LRFN5: variants seen among roughly 807,000 people sequenced by gnomAD.
LRFN5 encodes the protein leucine rich repeat and fibronectin type III domain containing 5, also known as leucine-rich repeat and fibronectin type-III domain-containing protein 5.
LRFN5 carries 24 observed loss-of-function variants against 45.6 expected under a neutral mutation model. That is an observed-to-expected ratio of 0.53 (90% CI 0.38 to 0.74). The LOEUF is 0.74. Ranked by LOEUF, LRFN5 falls within the 30% of genes least tolerant of loss-of-function variation. LRFN5 has a pLI of 0.00. For missense variants in LRFN5, 776 were observed against 861.5 expected, an observed-to-expected ratio of 0.90 and a Z score of 1.24; for synonymous variants, 340 against 313.8, an observed-to-expected ratio of 1.08 and a Z score of -0.88.
chr14:41,713,652 A>T (rs1883373750), intron 1 of LRFN5, among the ~76,000 whole-genome samples: 1 of 152,160 alleles, frequency 6.6e-6, no homozygotes, highest in Non-Finnish European at 1.5e-5. Context: ...TAATCAGAAA[A>T]TTAAAAATTA....
chr14:41,649,330 T>G (rs1879975823), intron 1 of LRFN5, among the ~76,000 whole-genome samples: 1 of 146,060 alleles, frequency 6.8e-6, no homozygotes, highest in South Asian at 2.1e-4. Flanking sequence ...AAATGATAAA[T>G]TGTTTAATAA....
intron 2 of LRFN5, among the ~76,000 whole-genome samples, chr14:41,810,972 A>G (rs114767040): frequency 8.2e-4 from 125 of 152,202 alleles, no homozygotes; most frequent in African/African-American, 3.0e-3. Flanking sequence ...ATAAAGGACA[A>G]TAAAGCCATC....
At chr14:41,871,361 G>A (rs1269159850) in intron 2 of LRFN5, among the ~76,000 whole-genome samples, 8 of 152,148 alleles carry the variant, frequency 5.3e-5, no homozygotes, top group Non-Finnish European at 1.0e-4. Flanking sequence ...GCCAAGGCAG[G>A]TAGATTACCT....
chr14:41,820,020 C>T (rs1188683090), intron 2 of LRFN5, among the ~76,000 whole-genome samples: 3 of 150,550 alleles, frequency 2.0e-5, no homozygotes, highest in African/African-American at 7.3e-5. Flanking sequence ...GGAAATTAGT[C>T]CTTTGTTGAA....
At position 41,795,413 on chromosome 14, in the gene LRFN5, G is replaced by C. The variant is rs575580481; in HGVS notation, c.-21+28384G>C. Among the ~76,000 whole-genome samples, 411 of 152,050 alleles carry C rather than the reference G, an allele frequency of 2.7e-3. 3 individuals carry two copies. The highest frequency in any genetic ancestry group is 3.7e-3 in the Non-Finnish European group (249 of 67,964). On this transcript the variant is annotated intron_variant, in intron 2 of 5. Transcript: ENST00000298119. Reference sequence around the variant, plus strand: ...AACTAGAAATACCATTTGACCCAGCGATCCCATTACTGGGTATATACCCAA... The same window carrying C: ...AACTAGAAATACCATTTGACCCAGCCATCCCATTACTGGGTATATACCCAA...
intron 1 of LRFN5, among the ~76,000 whole-genome samples, chr14:41,748,540 A>T (rs956817654): frequency 2.4e-4 from 36 of 152,222 alleles, no homozygotes; most frequent in East Asian, 9.6e-4. Context: ...ATTTTTTAAT[A>T]GTTTTGCAAG....
chr14:41,816,385 A>T (rs1394297626), intron 2 of LRFN5, among the ~76,000 whole-genome samples: 3 of 151,990 alleles, frequency 2.0e-5, no homozygotes, highest in Non-Finnish European at 4.4e-5. Flanking sequence ...TTCCTTCTTT[A>T]TGGAGAGGTG....
chr14:41,682,670 T>C (rs1881954687), intron 1 of LRFN5, among the ~76,000 whole-genome samples: 1 of 152,182 alleles, frequency 6.6e-6, no homozygotes, highest in Non-Finnish European at 1.5e-5. Flanking sequence ...TTAGAGCAAC[T>C]ATATGCCAAT....
At chr14:41,729,574 G>A (rs61145108) in intron 1 of LRFN5, among the ~76,000 whole-genome samples, 6,892 of 151,886 alleles carry the variant, frequency 0.045, 347 homozygotes, top group African/African-American at 0.13. Context: ...ATAAACAATC[G>A]TTTCCTATTC....
At chr14:41,681,823 TA>T (rs1349150423) in intron 1 of LRFN5, among the ~76,000 whole-genome samples, 64 of 93,184 alleles carry the variant, frequency 6.9e-4, no homozygotes, top group East Asian at 5.4e-3. Context: ...TTTATTTATT[TA>T]TTTTTTTTTT....
intron 2 of LRFN5, among the ~76,000 whole-genome samples, chr14:41,838,805 AATAG>A (rs1380616699): frequency 6.6e-6 from 1 of 152,176 alleles, no homozygotes; most frequent in South Asian, 2.1e-4. Flanking sequence ...TTGACTAGAA[AATAG>A]ATAGCGCTAA....
intron 1 of LRFN5, among the ~76,000 whole-genome samples, chr14:41,648,569 A>T (rs1879931606): frequency 6.6e-6 from 1 of 152,208 alleles, no homozygotes; most frequent in Non-Finnish European, 1.5e-5. Context: ...GATTAATTTT[A>T]AGACATGTAT....
chr14:41,645,753 T>TA (rs1442720869), intron 1 of LRFN5, among the ~76,000 whole-genome samples: 1 of 152,164 alleles, frequency 6.6e-6, no homozygotes, highest in Non-Finnish European at 1.5e-5. Context: ...TCCTAGAAAT[T>TA]GATTGCAATA....
At chr14:41,756,484 T>C (rs1290001094) in intron 1 of LRFN5, among the ~76,000 whole-genome samples, 2 of 152,194 alleles carry the variant, frequency 1.3e-5, no homozygotes, top group African/African-American at 2.4e-5. Context: ...CTTTTTTCTC[T>C]AAACTTGTCT....
intron 2 of LRFN5, among the ~76,000 whole-genome samples, chr14:41,833,710 T>C (rs1331257455): frequency 1.3e-5 from 2 of 152,218 alleles, no homozygotes; most frequent in African/African-American, 4.8e-5. Context: ...CAACATCCAA[T>C]TTATTATTTA....
At chr14:41,667,558 T>C (rs1880960006) in intron 1 of LRFN5, among the ~76,000 whole-genome samples, 1 of 152,160 alleles carries the variant, frequency 6.6e-6, no homozygotes, top group Non-Finnish European at 1.5e-5. Context: ...GTGTCCACGC[T>C]CCTGCCCCTT....
intron 1 of LRFN5, among the ~76,000 whole-genome samples, chr14:41,686,552 A>G (rs1332097380): frequency 2.0e-5 from 3 of 152,162 alleles, no homozygotes; most frequent in African/African-American, 4.8e-5. Context: ...ACCAGTTTTC[A>G]AAGGGAATGC....
At chr14:41,692,670 G>GT (rs1882432182) in intron 1 of LRFN5, among the ~76,000 whole-genome samples, 2 of 152,008 alleles carry the variant, frequency 1.3e-5, no homozygotes, top group Non-Finnish European at 2.9e-5. Context: ...GCGGTGTTTG[G>GT]TTTTTTGTCC....
intron 1 of LRFN5, among the ~76,000 whole-genome samples, chr14:41,686,586 T>C (rs997187476): frequency 1.3e-5 from 2 of 152,136 alleles, no homozygotes; most frequent in Non-Finnish European, 2.9e-5. Context: ...CTATTCAATA[T>C]GATATTGGCT....
Sources: gnomAD v4.1 joint callset for allele counts (sites outside exome capture counted in the v4.1 genomes callset) on GRCh38, gnomAD v4.1.1 for gene constraint, MANE v1.5 for transcripts, NCBI Gene and HGNC (gene_info 2026-07-23, HGNC 2026-07-21) for gene names.